ABTB2: variants seen among roughly 807,000 people sequenced by gnomAD.
ABTB2 encodes the protein ankyrin repeat and BTB domain containing 2.
In ABTB2, 56 loss-of-function variants were observed where a neutral mutation model predicts 104.1. The observed-to-expected ratio is 0.54, with a 90% CI of 0.43 to 0.67. The LOEUF (loss-of-function observed/expected upper bound fraction) is 0.67. ABTB2 is among the 30% of genes least tolerant of loss of function. The pLI, the probability that ABTB2 is intolerant of heterozygous loss-of-function variation, is 0.00. For synonymous variants in ABTB2, 606 were observed against 608.2 expected, an observed-to-expected ratio of 1.00 and a Z score of 0.05; for missense variants, 1,279 against 1,407.7, an observed-to-expected ratio of 0.91 and a Z score of 1.46.
intron 1 of ABTB2, among the ~76,000 whole-genome samples, chr11:34,288,399 C>T (rs1047285083): frequency 7.9e-5 from 12 of 152,150 alleles, no homozygotes; most frequent in African/African-American, 2.9e-4. Context: ...ACAAAGAAAA[C>T]AAACAAAAGA....
chr11:34,316,848 C>A (rs1042374133), intron 1 of ABTB2, among the ~76,000 whole-genome samples: 1 of 152,136 alleles, frequency 6.6e-6, no homozygotes, highest in Admixed American at 6.5e-5. Flanking sequence ...ACAGTGGTAG[C>A]ACAGAAGATA....
intron 1 of ABTB2, among the ~76,000 whole-genome samples, chr11:34,255,012 G>C (rs1030382478): frequency 3.3e-5 from 5 of 152,152 alleles, no homozygotes; most frequent in Non-Finnish European, 5.9e-5. Flanking sequence ...CATATGGTTA[G>C]TGGGTACTAT....
At chr11:34,269,599 AC>A (rs1255964176) in intron 1 of ABTB2, among the ~76,000 whole-genome samples, 1 of 152,246 alleles carries the variant, frequency 6.6e-6, no homozygotes, top group Non-Finnish European at 1.5e-5. Context: ...ACAACTTGCA[AC>A]CAAATGGTAA....
chr11:34,296,629 G>A (rs966755621), intron 1 of ABTB2, among the ~76,000 whole-genome samples: 3 of 152,212 alleles, frequency 2.0e-5, no homozygotes, highest in African/African-American at 7.2e-5. Context: ...AAGCAAGGCA[G>A]TGAGGCAGAG....
At chr11:34,296,333 G>A (rs765359861) in intron 1 of ABTB2, among the ~76,000 whole-genome samples, 1 of 152,124 alleles carries the variant, frequency 6.6e-6, no homozygotes. Context: ...GGGAGACAAG[G>A]AGGAGGGTGG....
intron 1 of ABTB2, among the ~76,000 whole-genome samples, chr11:34,338,198 T>C (rs868532851): frequency 6.6e-6 from 1 of 151,726 alleles, no homozygotes; most frequent in African/African-American, 2.4e-5. Context: ...CTGGCCAACA[T>C]GGTGAAACCC....
chr11:34,357,289 AG>A lies in ABTB2; in HGVS notation c.294del (p.Trp99GlyfsTer27). The A allele has an allele frequency of 6.6e-7, 1 of 1,509,890 alleles. No individual in the cohort carries two copies. The allele number at this position is 1,509,890 out of a possible 1,614,324, so 93.5% of individuals were successfully genotyped here. On this transcript the variant is annotated frameshift_variant, in exon 1 of 17. Coordinates refer to ENST00000435224, the MANE Select transcript of ABTB2 (RefSeq NM_145804.3). LOFTEE classifies it high-confidence loss of function. The part of the protein sequence containing the change: ...CPRLPELEEF[P>X]WTEGDVARVL... ...ACCCGGGCCACGTCTCCTTCGGTCC[AG>A]GGGAACTCCTCCAGCTCGGGGAGCC...
intron 1 of ABTB2, chr11:34,335,549 C>A: frequency 7.5e-7 from 1 of 1,329,844 alleles, no homozygotes; most frequent in Non-Finnish European, 1.1e-6. Flanking sequence ...ATTCTGGACA[C>A]GTTTGTATTG....
chr11:34,218,782 G>A (rs1853578778), intron 1 of ABTB2, among the ~76,000 whole-genome samples: 1 of 147,804 alleles, frequency 6.8e-6, no homozygotes, highest in Admixed American at 6.9e-5. Flanking sequence ...GGAGGTGGAG[G>A]TTGCTGTGAG....
chr11:34,269,527 G>A (rs1217865249), intron 1 of ABTB2, among the ~76,000 whole-genome samples: 4 of 152,178 alleles, frequency 2.6e-5, no homozygotes, highest in Non-Finnish European at 5.9e-5. Flanking sequence ...TATGCTTTGT[G>A]GACCATGTGG....
At chr11:34,211,488 C>G (rs540695703) in intron 1 of ABTB2, among the ~76,000 whole-genome samples, 1 of 152,082 alleles carries the variant, frequency 6.6e-6, no homozygotes, top group East Asian at 1.9e-4. Context: ...TTCAGAGAGG[C>G]TGGGGGGATG....
chr11:34,176,219 G>A (rs1444411392), intron 3 of ABTB2, among the ~76,000 whole-genome samples: 5 of 134,146 alleles, frequency 3.7e-5, no homozygotes, highest in South Asian at 4.7e-4. Flanking sequence ...GGCAGAGATC[G>A]CAATGAGCCG....
intron 14 of ABTB2, among the ~76,000 whole-genome samples, chr11:34,157,741 C>T (rs1443651262): frequency 6.6e-6 from 1 of 152,246 alleles, no homozygotes; most frequent in Non-Finnish European, 1.5e-5. Flanking sequence ...GTCCCATCCA[C>T]TCTTCCCTGG....
At chr11:34,199,272 C>A (rs897407628) in intron 2 of ABTB2, among the ~76,000 whole-genome samples, 4 of 152,142 alleles carry the variant, frequency 2.6e-5, no homozygotes, top group Non-Finnish European at 5.9e-5. Context: ...GAGATCCCCA[C>A]CAGGAAAGTC....
chr11:34,303,636 C>CTTT (rs35677380), intron 1 of ABTB2, among the ~76,000 whole-genome samples: 117 of 79,116 alleles, frequency 1.5e-3, no homozygotes, highest in Non-Finnish European at 1.7e-3. Context: ...ACTATGGGTG[C>CTTT]TTTTTTTTTT....
intron 1 of ABTB2, among the ~76,000 whole-genome samples, chr11:34,272,302 C>T (rs1356753817): frequency 2.5e-5 from 2 of 80,780 alleles, no homozygotes; most frequent in Non-Finnish European, 5.6e-5. Context: ...CAGGAAGCTG[C>T]AAAAAAAAAA....
chr11:34,312,151 AAAAAGAAAAAG>A (rs952741976), intron 1 of ABTB2, among the ~76,000 whole-genome samples: 7 of 150,664 alleles, frequency 4.6e-5, no homozygotes, highest in Admixed American at 1.3e-4. Flanking sequence ...AAAAAAAAAA[AAAAAGAAAAAG>A]AAAAAGAAAA....
At chr11:34,342,951 TTATTTATTTA>T (rs1855280697) in intron 1 of ABTB2, among the ~76,000 whole-genome samples, 2 of 151,802 alleles carry the variant, frequency 1.3e-5, no homozygotes, top group Admixed American at 6.6e-5. Flanking sequence ...ATTTATTTAT[TTATTTATTTA>T]TTCGTTCATT....
chr11:34,281,446 C>A (rs1030915737), intron 1 of ABTB2, among the ~76,000 whole-genome samples: 1 of 152,198 alleles, frequency 6.6e-6, no homozygotes, highest in African/African-American at 2.4e-5. Flanking sequence ...AGCATCATCC[C>A]TTCCACCCAC....
Sources: allele counts gnomAD v4.1 joint callset (sites outside exome capture counted in the v4.1 genomes callset), GRCh38; gene constraint gnomAD v4.1.1; transcripts MANE v1.5; gene names NCBI Gene and HGNC (gene_info 2026-07-23, HGNC 2026-07-21).